Variants in NHSL3 observed in about 807,000 individuals in gnomAD.
NHSL3 encodes NHS-like protein 3.
At chr1:32,768,559 C>A in the NHSL3 span, 1 of 1,472,066 alleles carries the variant, frequency 6.8e-7, no homozygotes. Context: ...TTCGCTACTG[C>A]ACTCCAGCCT....
the NHSL3 span, among the ~76,000 whole-genome samples, chr1:32,746,416 A>T: frequency 6.6e-6 from 1 of 152,112 alleles, no homozygotes; most frequent in African/African-American, 2.4e-5. Context: ...GCGAGCGCCT[A>T]TGGAAGGAGG....
chr1:32,767,176 G>T, the NHSL3 span, among the ~76,000 whole-genome samples: 1 of 152,326 alleles, frequency 6.6e-6, no homozygotes, highest in Non-Finnish European at 1.5e-5. Context: ...TCCTGGACCT[G>T]GTTCAAGTGG....
At chr1:32,752,798 C>T in the NHSL3 span, among the ~76,000 whole-genome samples, 4 of 148,248 alleles carry the variant, frequency 2.7e-5, no homozygotes, top group African/African-American at 7.5e-5. Flanking sequence ...AGGCTAGTCT[C>T]GAACTCCTGA....
chr1:32,760,416 C>T, the NHSL3 span, among the ~76,000 whole-genome samples: 701 of 152,296 alleles, frequency 4.6e-3, 4 homozygotes, highest in Non-Finnish European at 7.8e-3. Context: ...GCTCCCTCCC[C>T]GATTCTTCCC....
At chr1:32,769,429 C>T in the NHSL3 span, among the ~76,000 whole-genome samples, 11 of 152,066 alleles carry the variant, frequency 7.2e-5, no homozygotes, top group East Asian at 1.9e-4. Context: ...TTTAGAATGA[C>T]GACTAACACG....
chr1:32,772,152 C>T, the NHSL3 span: 4 of 1,613,362 alleles, frequency 2.5e-6, no homozygotes, highest in Non-Finnish European at 2.5e-6. Context: ...CCCCTGAGAC[C>T]CAGGCTGACC....
At chr1:32,770,949 TCCCA>T in the NHSL3 span, 1 of 1,563,238 alleles carries the variant, frequency 6.4e-7, no homozygotes, top group Non-Finnish European at 8.8e-7. The surrounding 1 kb of genome is among the most constrained non-coding windows in gnomAD (Gnocchi z 8.3). Context: ...AAAGTGGTAC[TCCCA>T]CCCTCCCTCC....
the NHSL3 span, among the ~76,000 whole-genome samples, chr1:32,764,087 C>G: frequency 6.6e-6 from 1 of 152,050 alleles, no homozygotes; most frequent in Admixed American, 6.6e-5. Flanking sequence ...TCTTGAATTC[C>G]TGACCACAAG....
At chr1:32,770,949 T>TACCC in the NHSL3 span, 4 of 1,563,208 alleles carry the variant, frequency 2.6e-6, no homozygotes, top group Non-Finnish European at 3.5e-6. This position sits in a 1 kb window ranked among gnomAD's most constrained non-coding sequence, Gnocchi z 8.3. Context: ...AAAGTGGTAC[T>TACCC]CCCACCCTCC....
chr1:32,741,943 C>T, the NHSL3 span: 22 of 839,026 alleles, frequency 2.6e-5, no homozygotes, highest in East Asian at 3.0e-4. The surrounding 1 kb of genome is among the most constrained non-coding windows in gnomAD (Gnocchi z 4.3). Context: ...GCCCGCTCCG[C>T]CCCCGCCTGC....
the NHSL3 span, among the ~76,000 whole-genome samples, chr1:32,760,171 CAGG>C: frequency 4.6e-5 from 7 of 152,200 alleles, no homozygotes; most frequent in Non-Finnish European, 1.0e-4. Flanking sequence ...ACAGTTCAGA[CAGG>C]AGTAGGGAGT....
the NHSL3 span, among the ~76,000 whole-genome samples, chr1:32,760,504 C>T: frequency 5.3e-4 from 80 of 152,160 alleles, no homozygotes; most frequent in Non-Finnish European, 1.1e-3. Context: ...CTTGGCAGGC[C>T]CTGTGTGGGT....
the NHSL3 span, among the ~76,000 whole-genome samples, chr1:32,752,958 TATATATATA>T: frequency 3.7e-4 from 2 of 5,444 alleles, no homozygotes; most frequent in Admixed American, 3.0e-3. Flanking sequence ...CACATATATA[TATATATATA>T]TTTTGGTTTT....
the NHSL3 span, among the ~76,000 whole-genome samples, chr1:32,755,333 G>A: frequency 6.6e-6 from 1 of 152,172 alleles, no homozygotes; most frequent in Non-Finnish European, 1.5e-5. Context: ...AGTGAAGGGG[G>A]CCCTGCTGTG....
At chr1:32,773,799 G>C in the NHSL3 span, 1 of 152,716 alleles carries the variant, frequency 6.5e-6, no homozygotes, top group Non-Finnish European at 1.5e-5. Flanking sequence ...AGCATCTGGA[G>C]GGGGGGAGCT....
At chr1:32,768,756 G>C in the NHSL3 span, 1 of 1,613,872 alleles carries the variant, frequency 6.2e-7, no homozygotes, top group Non-Finnish European at 8.5e-7. Flanking sequence ...CCATCCGCTC[G>C]GAGATGATCC....
chr1:32,767,405 T>C, the NHSL3 span, among the ~76,000 whole-genome samples: 3 of 152,130 alleles, frequency 2.0e-5, no homozygotes, highest in Non-Finnish European at 2.9e-5. Flanking sequence ...CTGGGTGTGC[T>C]TGGTGTGTGT....
chr1:32,745,018 C>T, the NHSL3 span, among the ~76,000 whole-genome samples: 10 of 150,884 alleles, frequency 6.6e-5, no homozygotes, highest in South Asian at 2.1e-4. Context: ...CCCAGCTACC[C>T]GGAAGGCTGA....
the NHSL3 span, chr1:32,771,243 C>T: frequency 1.1e-4 from 181 of 1,612,966 alleles, no homozygotes; most frequent in Non-Finnish European, 1.4e-4. Flanking sequence ...CTGCTCTAGC[C>T]GCCCCTGCTG....
Sources: gnomAD v4.1 joint callset for allele counts (sites outside exome capture counted in the v4.1 genomes callset) on GRCh38, gnomAD v4.1.1 for gene constraint, Gnocchi (gnomAD v3.1) non-coding constraint, MANE v1.5 for transcripts, NCBI Gene and HGNC (gene_info 2026-07-23, HGNC 2026-07-21) for gene names.